The following RPS6KA2 variants were observed in gnomAD, a reference collection of about 807,000 sequenced individuals.
RPS6KA2 encodes ribosomal protein S6 kinase A2.
A neutral mutation model predicts 91.8 loss-of-function variants in RPS6KA2; 42 were observed. That is an observed-to-expected ratio of 0.46 (90% confidence interval 0.36 to 0.59). RPS6KA2 has a LOEUF of 0.59. RPS6KA2 is among the 20% of genes least tolerant of loss of function. The pLI, the probability that RPS6KA2 is intolerant of heterozygous loss-of-function variation, is 0.00. For synonymous variants in RPS6KA2, 414 were observed against 393.6 expected (o/e 1.05, Z -0.61); for missense variants, 798 against 978.5 (o/e 0.82, Z 2.46).
intron 2 of RPS6KA2, among the ~76,000 whole-genome samples, chr6:166,749,845 G>T (rs1205168529): frequency 6.8e-6 from 1 of 147,542 alleles, no homozygotes; most frequent in African/African-American, 2.5e-5. Context: ...CGGGAGCCTG[G>T]CCTCTCCTCC....
At chr6:166,687,315 A>G (rs534130594) in intron 2 of RPS6KA2, among the ~76,000 whole-genome samples, 2 of 152,326 alleles carry the variant, frequency 1.3e-5, no homozygotes, top group South Asian at 4.1e-4. Flanking sequence ...AGGAACACAC[A>G]GCTGTAGTCT....
At chr6:166,526,107 CAG>C (rs138345137) in intron 3 of RPS6KA2, among the ~76,000 whole-genome samples, 35,095 of 151,994 alleles carry the variant, frequency 0.23, 4,348 homozygotes, top group South Asian at 0.32. Flanking sequence ...TGGTTAGATC[CAG>C]GGACCTAACC....
At chr6:166,747,039 C>T (rs1393803947) in intron 2 of RPS6KA2, among the ~76,000 whole-genome samples, 3 of 152,184 alleles carry the variant, frequency 2.0e-5, no homozygotes, top group Non-Finnish European at 4.4e-5. Flanking sequence ...TTCAGTAATC[C>T]GAAGCTCCCC....
intron 2 of RPS6KA2, among the ~76,000 whole-genome samples, chr6:166,781,072 T>C (rs1778757350): frequency 6.6e-6 from 1 of 152,222 alleles, no homozygotes; most frequent in Non-Finnish European, 1.5e-5. Flanking sequence ...GAAACAGTAT[T>C]GCTGGGTTGT....
At chr6:166,650,915 T>G (rs1187955182) in intron 2 of RPS6KA2, among the ~76,000 whole-genome samples, 1 of 152,212 alleles carries the variant, frequency 6.6e-6, no homozygotes, top group Non-Finnish European at 1.5e-5. Flanking sequence ...TTTAATACTT[T>G]GAACCTGAAC....
chr6:166,840,611 A>G (rs1780445516), intron 2 of RPS6KA2, among the ~76,000 whole-genome samples: 1 of 152,226 alleles, frequency 6.6e-6, no homozygotes, highest in Non-Finnish European at 1.5e-5. Flanking sequence ...AATGCCAGTG[A>G]GTTGTGTCCT....
At chr6:166,813,744 G>A (rs1306298546) in intron 2 of RPS6KA2, among the ~76,000 whole-genome samples, 2 of 152,144 alleles carry the variant, frequency 1.3e-5, no homozygotes, top group Non-Finnish European at 2.9e-5. Flanking sequence ...TCTCTTCTAA[G>A]GATGCCAGTC....
In RPS6KA2 at chr6:166,849,143, C is replaced by T. The variant is rs1043554117; in HGVS notation, c.123+9057G>A. Among the ~76,000 whole-genome samples, 8 of 151,658 alleles carry T rather than the reference C, an allele frequency of 5.3e-5. No homozygotes were observed. The highest frequency in any genetic ancestry group is 1.7e-4 in the African/African-American group (7 of 41,414). On this transcript the variant is annotated intron_variant, in intron 2 of 21. Transcript: ENST00000503859. The surrounding 1 kb of genome is among the most constrained non-coding windows in gnomAD (Gnocchi z 4.9). ...AAGCCCAGCTGAGGCTTCCTTGGTCCGGCCATGCCAGGGTCTGTCTGTCTG... is the reference window on the plus strand; with the variant it reads ...AAGCCCAGCTGAGGCTTCCTTGGTCTGGCCATGCCAGGGTCTGTCTGTCTG...
intron 6 of RPS6KA2, among the ~76,000 whole-genome samples, chr6:166,503,329 G>C: frequency 6.6e-6 from 1 of 152,266 alleles, no homozygotes; most frequent in East Asian, 1.9e-4. Flanking sequence ...AGTGGATATG[G>C]GATGTGACCT....
intron 2 of RPS6KA2, among the ~76,000 whole-genome samples, chr6:166,837,607 T>C (rs1004887131): frequency 6.6e-6 from 1 of 152,190 alleles, no homozygotes; most frequent in African/African-American, 2.4e-5. Context: ...TGGCTGGGGC[T>C]CTGGGGTCCT....
chr6:166,608,909 T>C (rs911432824), intron 1 of RPS6KA2, among the ~76,000 whole-genome samples: 2 of 152,168 alleles, frequency 1.3e-5, no homozygotes, highest in East Asian at 1.9e-4. Context: ...ATGTAGAATA[T>C]TTATGAAAGA....
At chr6:166,634,111 C>T (rs555238430) in intron 2 of RPS6KA2, among the ~76,000 whole-genome samples, 3 of 152,272 alleles carry the variant, frequency 2.0e-5, no homozygotes, top group East Asian at 1.9e-4. Flanking sequence ...GCCACTGAAA[C>T]GTGAAGCCAA....
rs1194612198 is a variant in RPS6KA2, at chr6:166,410,573, T to A, written c.*2189A>T. 1.3e-5 allele frequency: 2 copies of A among 152,300 alleles called. No homozygotes were observed. The highest frequency in any genetic ancestry group is 4.8e-5 in the African/African-American group (2 of 41,420). 9.4% of individuals were successfully genotyped at this position (152,300 alleles called of 1,614,324 possible). A position where few individuals can be genotyped will look rare whatever the true frequency, so the allele number is the denominator to read the frequency against. ...ATACATGTAAGGACAGAGCTCGCTG[T>A]GATGGGGAGTCTCGTCGGTCCCTTT... On this transcript the variant is annotated 3_prime_UTR_variant, in exon 21 of 21. Coordinates refer to ENST00000265678, the MANE Select transcript of RPS6KA2 (RefSeq NM_021135.6).
rs996661070 is a variant in RPS6KA2, at chr6:166,684,382, A to G, written c.124-145598T>C. Among the ~76,000 whole-genome samples, 4 of 152,350 alleles carry G rather than the reference A, an allele frequency of 2.6e-5. No homozygotes were observed. The East Asian group carries it at 7.7e-4, about 29-fold the overall frequency. On this transcript the variant is annotated intron_variant, in intron 2 of 21. Transcript: ENST00000503859. ...TTAAAGTGCGTATAAATATGACTGC[A>G]GGCCTGCCCTGAGCTGCTACTTTCT...
At chr6:166,823,479 G>A (rs1460063140) in intron 2 of RPS6KA2, among the ~76,000 whole-genome samples, 2 of 146,762 alleles carry the variant, frequency 1.4e-5, no homozygotes, top group African/African-American at 5.0e-5. Context: ...GTGTGTAAAG[G>A]GTGACCTTAT....
At chr6:166,628,740 A>G (rs1237164548), upstream of RPS6KA2, among the ~76,000 whole-genome samples, 2 of 152,254 alleles carry the variant, frequency 1.3e-5, no homozygotes, top group Admixed American at 6.5e-5. Flanking sequence ...CTCATCTCTA[A>G]GAGGAAAATA....
rs1412330137 is a variant in RPS6KA2, at chr6:166,717,839, TTTC to T, written c.123+140358_123+140360del. On this transcript the variant is annotated intron_variant, in intron 2 of 21. Coordinates refer to the RPS6KA2 transcript ENST00000503859. Reference sequence around the variant, plus strand: ...GTTTTATTATTTGTCATTTTTCTTTTTTCTTCTTTTCTTTCTTTTTTTTTTTTA... The same window carrying T: ...GTTTTATTATTTGTCATTTTTCTTTTTTCTTTTCTTTCTTTTTTTTTTTTA... 5.3e-5 allele frequency among the ~76,000 whole-genome samples: 8 copies of T among 150,038 alleles called. No homozygotes were observed. In the South Asian group the frequency reaches 1.7e-3, roughly 31 times the overall value.
chr6:166,465,667 TCCACTCG>T (rs996299107), intron 11 of RPS6KA2, among the ~76,000 whole-genome samples: 2 of 152,226 alleles, frequency 1.3e-5, no homozygotes, highest in Admixed American at 1.3e-4. Context: ...GCTGGTTAAT[TCCACTCG>T]CCCTCTTTCA....
intron 9 of RPS6KA2, among the ~76,000 whole-genome samples, chr6:166,489,487 C>G (rs61060745): frequency 6.6e-6 from 1 of 152,066 alleles, no homozygotes; most frequent in East Asian, 1.9e-4. Context: ...GAGAACCCCA[C>G]GCGCAGAGCC....
Sources: allele counts gnomAD v4.1 joint callset (sites outside exome capture counted in the v4.1 genomes callset), GRCh38; gene constraint gnomAD v4.1.1; non-coding constraint Gnocchi (gnomAD v3.1); transcripts MANE v1.5; gene names NCBI Gene and HGNC (gene_info 2026-07-23, HGNC 2026-07-21).